KALRN: variants seen among roughly 807,000 people sequenced by gnomAD.
The protein encoded by KALRN is kalirin.
KALRN carries 70 observed loss-of-function variants against 353.7 expected under a neutral mutation model. The observed-to-expected ratio is 0.20, with a 90% CI of 0.16 to 0.24. The LOEUF is 0.24. Ranked by LOEUF, KALRN falls within the 10% of genes least tolerant of loss-of-function variation. KALRN has a pLI of 1.00. For synonymous variants in KALRN, 1,391 were observed against 1,434.8 expected, an observed-to-expected ratio of 0.97 and a Z score of 0.69; for missense variants, 2,791 against 3,756.7, an observed-to-expected ratio of 0.74 and a Z score of 6.72.
At chr3:124,039,179 C>T (rs1464987143) in intron 1 of KALRN, among the ~76,000 whole-genome samples, 1 of 152,252 alleles carries the variant, frequency 6.6e-6, no homozygotes, top group South Asian at 2.1e-4. Context: ...TCTCCACACA[C>T]TGCCCAAGGG....
At chr3:124,042,430 T>C (rs958450416) in intron 1 of KALRN, among the ~76,000 whole-genome samples, 1 of 151,570 alleles carries the variant, frequency 6.6e-6, no homozygotes. Flanking sequence ...TCCATTGGAG[T>C]AGGGGAGGGA....
intron 5 of KALRN, among the ~76,000 whole-genome samples, chr3:124,269,832 A>G (rs2148930392): frequency 6.6e-6 from 1 of 152,290 alleles, no homozygotes; most frequent in South Asian, 2.1e-4. Context: ...ATGTTCTTTG[A>G]TCTTGGGTCT....
chr3:124,142,727 C>T (rs139890224), intron 1 of KALRN, among the ~76,000 whole-genome samples: 153 of 152,196 alleles, frequency 1.0e-3, no homozygotes, highest in Non-Finnish European at 1.4e-3. Flanking sequence ...CTCTGTACTC[C>T]TCCAGCCTCC....
chr3:124,247,141 G>A (rs187628910), intron 3 of KALRN, among the ~76,000 whole-genome samples: 7 of 152,288 alleles, frequency 4.6e-5, no homozygotes, highest in Admixed American at 4.6e-4. Flanking sequence ...TGTAGAGACT[G>A]CCTTTATTGT....
At chr3:124,537,627 C>T (rs1364700776) in intron 33 of KALRN, among the ~76,000 whole-genome samples, 1 of 152,124 alleles carries the variant, frequency 6.6e-6, no homozygotes, top group African/African-American at 2.4e-5. Context: ...AAGGAAGGAA[C>T]TATTCCAGGC....
chr3:124,196,707 G>T (rs2075473663), intron 1 of KALRN, among the ~76,000 whole-genome samples: 1 of 152,014 alleles, frequency 6.6e-6, no homozygotes, highest in African/African-American at 2.4e-5. Context: ...TAAACACATT[G>T]TTCATGAACA....
At chr3:124,536,445 G>A (rs1450787463) in intron 33 of KALRN, among the ~76,000 whole-genome samples, 1 of 152,022 alleles carries the variant, frequency 6.6e-6, no homozygotes, top group Non-Finnish European at 1.5e-5. Flanking sequence ...CAGGTGATTC[G>A]CCTGCCTCAG....
chr3:124,154,644 CA>C (rs2068701357), intron 1 of KALRN, among the ~76,000 whole-genome samples: 2 of 152,202 alleles, frequency 1.3e-5, no homozygotes, highest in Non-Finnish European at 2.9e-5. Context: ...ATTCCATGCT[CA>C]TGGGTAGGAA....
At chr3:124,390,504 A>T (rs1252747572) in intron 11 of KALRN, among the ~76,000 whole-genome samples, 1 of 152,180 alleles carries the variant, frequency 6.6e-6, no homozygotes, top group Non-Finnish European at 1.5e-5. Flanking sequence ...ATTGGTCTTC[A>T]AGAGAGATGA....
intron 57 of KALRN, among the ~76,000 whole-genome samples, chr3:124,705,096 A>G (rs1206006015): frequency 1.3e-5 from 2 of 152,304 alleles, no homozygotes; most frequent in South Asian, 4.1e-4. Context: ...GGAATGAACT[A>G]TACAGGCAAC....
intron 25 of KALRN, among the ~76,000 whole-genome samples, chr3:124,473,823 G>T (rs2061178434): frequency 6.6e-6 from 1 of 152,126 alleles, no homozygotes; most frequent in African/African-American, 2.4e-5. Context: ...CTGTCAAATT[G>T]TTCCTTGTAA....
At chr3:124,598,825 C>T (rs770685271) in intron 34 of KALRN, among the ~76,000 whole-genome samples, 14 of 152,250 alleles carry the variant, frequency 9.2e-5, no homozygotes, top group South Asian at 4.2e-4. Context: ...CACAGTAGCA[C>T]GCCACTACGC....
intron 10 of KALRN, among the ~76,000 whole-genome samples, chr3:124,371,774 G>GC: frequency 6.6e-6 from 1 of 152,126 alleles, no homozygotes; most frequent in Non-Finnish European, 1.5e-5. Flanking sequence ...ATCCCCTCAA[G>GC]CATTTAGCCT....
intron 11 of KALRN, among the ~76,000 whole-genome samples, chr3:124,391,830 C>G (rs2089435404): frequency 6.6e-6 from 1 of 152,146 alleles, no homozygotes; most frequent in Admixed American, 6.5e-5. Context: ...ATCTATTTTT[C>G]TTTTAGAACT....
At chr3:124,042,806 A>T (rs1018566030) in intron 1 of KALRN, among the ~76,000 whole-genome samples, 7 of 152,164 alleles carry the variant, frequency 4.6e-5, no homozygotes, top group East Asian at 1.9e-4. Flanking sequence ...CAGTAGGTGG[A>T]TAATGAAGGG....
At chr3:124,154,793 G>T (rs1270784971) in intron 1 of KALRN, among the ~76,000 whole-genome samples, 1 of 151,982 alleles carries the variant, frequency 6.6e-6, no homozygotes, top group Non-Finnish European at 1.5e-5. Context: ...AAAAGAGCCC[G>T]CATCGCCAAG....
chr3:124,451,569 G>T (rs1202987075), intron 21 of KALRN, among the ~76,000 whole-genome samples: 3 of 152,156 alleles, frequency 2.0e-5, no homozygotes, highest in Non-Finnish European at 4.4e-5. Flanking sequence ...ATAAGTTACT[G>T]TCTTTGGAGG....
intron 3 of KALRN, among the ~76,000 whole-genome samples, chr3:124,238,423 C>A (rs980651212): frequency 5.9e-5 from 9 of 152,140 alleles, no homozygotes; most frequent in African/African-American, 2.2e-4. Context: ...TCACTGGAGA[C>A]CAGATGACCC....
intron 34 of KALRN, among the ~76,000 whole-genome samples, chr3:124,594,715 A>G (rs1053898529): frequency 1.3e-5 from 2 of 152,210 alleles, no homozygotes; most frequent in Admixed American, 6.5e-5. Context: ...TGGGACTGAC[A>G]TATCTCCAGT....
Sources: allele counts gnomAD v4.1 joint callset (sites outside exome capture counted in the v4.1 genomes callset), GRCh38; gene constraint gnomAD v4.1.1; transcripts MANE v1.5; gene names NCBI Gene and HGNC (gene_info 2026-07-23, HGNC 2026-07-21).